The following SNX25 variants were observed in gnomAD, a reference collection of about 807,000 sequenced individuals.
The protein encoded by SNX25 is sorting nexin-25.
In SNX25, 62 loss-of-function variants were observed where a neutral mutation model predicts 113.7. The ratio of observed to expected loss-of-function variants is 0.55; its 90% confidence interval spans 0.44 to 0.67. The LOEUF (loss-of-function observed/expected upper bound fraction) is 0.67. Among genes scored for constraint, SNX25 ranks in the 30% least tolerant of loss-of-function variants. The probability of loss-of-function intolerance (pLI) is 0.00; values close to 1 mark genes in which losing one functional copy is unlikely to be tolerated. For missense variants in SNX25, 1,014 were observed against 1,161.0 expected, an observed-to-expected ratio of 0.87 and a Z score of 1.84; for synonymous variants, 421 against 436.2, an observed-to-expected ratio of 0.97 and a Z score of 0.43.
chr4:185,246,197 A>G (rs7681573), intron 1 of SNX25, among the ~76,000 whole-genome samples: 2,276 of 152,304 alleles, frequency 0.015, 33 homozygotes, highest in South Asian at 0.068. Context: ...AGGCAGGAGA[A>G]TCACTTGAAC....
At chr4:185,224,481 AG>A (rs1358618317) in intron 1 of SNX25, among the ~76,000 whole-genome samples, 7 of 126,644 alleles carry the variant, frequency 5.5e-5, no homozygotes, top group African/African-American at 1.6e-4. Context: ...ATAAATATAT[AG>A]ATATATAAAT....
downstream of SNX25, chr4:185,370,592 C>T (rs775156472): frequency 1.9e-6 from 3 of 1,586,116 alleles, no homozygotes; most frequent in Non-Finnish European, 2.6e-6. Flanking sequence ...CAGCTAAAAG[C>T]CTGGCAGTTT....
At chr4:185,315,967 A>G (rs1474252279) in intron 7 of SNX25, among the ~76,000 whole-genome samples, 1 of 152,232 alleles carries the variant, frequency 6.6e-6, no homozygotes, top group African/African-American at 2.4e-5. Flanking sequence ...GACATGCAAT[A>G]TACTGCTCAT....
intron 3 of SNX25, among the ~76,000 whole-genome samples, chr4:185,262,540 T>C (rs1452809713): frequency 1.3e-5 from 2 of 152,150 alleles, no homozygotes; most frequent in African/African-American, 4.8e-5. Context: ...ATTTAAAGAG[T>C]TGGGACTTGA....
intron 6 of SNX25, among the ~76,000 whole-genome samples, chr4:185,300,465 G>T (rs1170597349): frequency 6.6e-6 from 1 of 151,622 alleles, no homozygotes; most frequent in East Asian, 1.9e-4. Context: ...ACCGCGCCTG[G>T]CCACGAATTC....
chr4:185,204,957 T>G (rs1357827695), upstream of SNX25, among the ~76,000 whole-genome samples: 2 of 152,248 alleles, frequency 1.3e-5, no homozygotes, highest in Non-Finnish European at 2.9e-5. Context: ...TTTGTAGTAA[T>G]TTGTTATAGC....
chr4:185,352,268 G>A (rs987481696), intron 14 of SNX25, among the ~76,000 whole-genome samples: 2 of 152,174 alleles, frequency 1.3e-5, no homozygotes, highest in African/African-American at 4.8e-5. Flanking sequence ...CTAGCAAATT[G>A]CACAGGACCA....
chr4:185,237,817 C>T (rs973937243), intron 1 of SNX25, among the ~76,000 whole-genome samples: 3 of 151,702 alleles, frequency 2.0e-5, no homozygotes, highest in Non-Finnish European at 4.4e-5. Flanking sequence ...AATCCCAGCA[C>T]TTTGGGAGGC....
downstream of SNX25, among the ~76,000 whole-genome samples, chr4:185,374,954 T>A (rs1579983772): frequency 2.0e-5 from 3 of 152,140 alleles, no homozygotes; most frequent in East Asian, 5.8e-4. Flanking sequence ...ACAAATCTTA[T>A]GCACTAATAC....
chr4:185,253,707 G>A (rs1324091657), intron 2 of SNX25, among the ~76,000 whole-genome samples: 1 of 152,182 alleles, frequency 6.6e-6, no homozygotes, highest in Admixed American at 6.5e-5. Flanking sequence ...GAGCTCAGGT[G>A]ATCCACCGGC....
At position 185,349,191 on chromosome 4, in the gene SNX25, C is replaced by CA. The variant is rs2095303466; in HGVS notation, c.2302-2248dup. On this transcript the variant is annotated intron_variant, in intron 13 of 18. Coordinates refer to ENST00000652585, the MANE Select transcript of SNX25 (RefSeq NM_001378034.2). ...CAGCTGATGAGCTTAAAAAAAATCA[C>CA]AAAAAATTCTCATAATGTTTTAAGA... is the stretch of plus-strand genomic sequence containing the variant. Among the ~76,000 whole-genome samples the CA allele has an allele frequency of 3.3e-5, 5 of 152,212 alleles. No individual in the cohort carries two copies. In the South Asian group the frequency reaches 1.0e-3, roughly 32 times the overall value.
intron 6 of SNX25, among the ~76,000 whole-genome samples, chr4:185,291,043 A>G (rs948097296): frequency 6.6e-6 from 1 of 152,256 alleles, no homozygotes; most frequent in Non-Finnish European, 1.5e-5. Context: ...GCGTTAGTCT[A>G]GAGCCTGAAG....
intron 1 of SNX25, among the ~76,000 whole-genome samples, chr4:185,218,871 ATAAAT>A (rs1366124605): frequency 2.2e-5 from 3 of 134,858 alleles, no homozygotes; most frequent in Non-Finnish European, 4.8e-5. Flanking sequence ...GTGAGTTTAC[ATAAAT>A]TAAACTAATT....
intron 6 of SNX25, among the ~76,000 whole-genome samples, chr4:185,289,540 G>T (rs1255455894): frequency 6.6e-6 from 1 of 152,134 alleles, no homozygotes; most frequent in Non-Finnish European, 1.5e-5. Flanking sequence ...TCAGAGAGGC[G>T]GCAGGGAACC....
intron 18 of SNX25, among the ~76,000 whole-genome samples, chr4:185,362,948 T>G (rs1002895879): frequency 3.3e-5 from 5 of 151,650 alleles, no homozygotes; most frequent in African/African-American, 9.7e-5. Context: ...GTTCAAGTGA[T>G]TCTCCTGCCT....
chr4:185,297,682 G>T (rs571466580), intron 6 of SNX25, among the ~76,000 whole-genome samples: 2 of 152,110 alleles, frequency 1.3e-5, no homozygotes, highest in Admixed American at 1.3e-4. Flanking sequence ...TCTGATGAGG[G>T]CCCTCTTGCT....
intron 9 of SNX25, among the ~76,000 whole-genome samples, chr4:185,332,338 T>G (rs909159936): frequency 2.0e-5 from 3 of 152,192 alleles, no homozygotes; most frequent in African/African-American, 4.8e-5. Flanking sequence ...GAGGTACCAC[T>G]TGGGAAATAA....
At chr4:185,207,210 C>CTTT (rs34373262), upstream of SNX25, among the ~76,000 whole-genome samples, 148 of 76,854 alleles carry the variant, frequency 1.9e-3, 12 homozygotes, top group African/African-American at 4.4e-3. Context: ...ACCAGTCACA[C>CTTT]TTTTTTTTTT....
chr4:185,310,400 A>T (rs1229519613), intron 6 of SNX25, among the ~76,000 whole-genome samples: 1 of 151,278 alleles, frequency 6.6e-6, no homozygotes, highest in Non-Finnish European at 1.5e-5. Flanking sequence ...TTTTAAAAAA[A>T]TGTTTTACCT....
Sources: allele counts gnomAD v4.1 joint callset (sites outside exome capture counted in the v4.1 genomes callset), GRCh38; gene constraint gnomAD v4.1.1; transcripts MANE v1.5; gene names NCBI Gene and HGNC (gene_info 2026-07-23, HGNC 2026-07-21).